CACUL1: variants seen among roughly 807,000 people sequenced by gnomAD.
CACUL1 encodes the protein CDK2 associated cullin domain 1.
A neutral mutation model predicts 45.2 loss-of-function variants in CACUL1; 13 were observed. The observed-to-expected ratio is 0.29, with a 90% CI of 0.19 to 0.46. The LOEUF (loss-of-function observed/expected upper bound fraction) is 0.46. Among genes scored for constraint, CACUL1 ranks in the 20% least tolerant of loss-of-function variants. CACUL1 has a pLI of 1.00. For synonymous variants in CACUL1, 197 were observed against 174.2 expected, an observed-to-expected ratio of 1.13 and a Z score of -1.03; for missense variants, 421 against 471.4, an observed-to-expected ratio of 0.89 and a Z score of 0.99.
intron 6 of CACUL1, chr10:118,691,656 A>T: frequency 3.0e-6 from 1 of 333,158 alleles, no homozygotes; most frequent in Non-Finnish European, 5.6e-6. Context: ...TCACGAGGTC[A>T]GGAGATCGAG....
chr10:118,683,739 C>T lies in CACUL1; in HGVS notation c.*2389G>A, dbSNP rs1845178695. ...ACAGAAGAAAACAGTTTCTGGCAAA[C>T]AGTCAATATAAAATGAGAGGAAGGA... On this transcript the variant is annotated 3_prime_UTR_variant, in exon 9 of 9. Coordinates refer to ENST00000369151, the MANE Select transcript of CACUL1 (RefSeq NM_153810.5). The T allele has an allele frequency of 6.6e-6, 1 of 152,036 alleles. No homozygotes were observed. The highest frequency in any genetic ancestry group is 1.5e-5 in the Non-Finnish European group (1 of 67,980). The allele number at this position is 152,036 out of a possible 1,614,324, so 9.4% of individuals were successfully genotyped here.
rs1221845726 is a variant in CACUL1, at chr10:118,683,778, T to C, written c.*2350A>G. ...TGAGAGGAAGGAGGAGGAAATCTTA[T>C]TTCCTCTCATACTGCAAACTCACTC... On this transcript the variant is annotated 3_prime_UTR_variant, in exon 9 of 9. Transcript: ENST00000369151. The C allele has an allele frequency of 2.0e-5, 3 of 152,092 alleles. No homozygotes were observed. The highest frequency in any genetic ancestry group is 2.9e-5 in the Non-Finnish European group (2 of 67,992). 9.4% of individuals were successfully genotyped at this position (152,092 alleles called of 1,614,324 possible).
intron 6 of CACUL1, 121 bp downstream of exon 6, chr10:118,695,019 AT>A: frequency 1.1e-5 from 7 of 654,392 alleles, no homozygotes; most frequent in Admixed American, 2.2e-5. Context: ...TATCTACTCA[AT>A]TTTTTTGCTC....
intron 7 of CACUL1, 23 bp from the exon 8 acceptor site, chr10:118,686,664 A>G: frequency 6.3e-7 from 1 of 1,589,458 alleles, no homozygotes; most frequent in South Asian, 1.1e-5. Context: ...AGAGGCAGTC[A>G]ACAAAACTGA....
intron 3 of CACUL1, among the ~76,000 whole-genome samples, chr10:118,724,636 T>A (rs551693686): frequency 6.6e-6 from 1 of 152,320 alleles, no homozygotes; most frequent in South Asian, 2.1e-4. Flanking sequence ...GTTTTTAGGT[T>A]GTTCAGCCAA....
chr10:118,715,339 A>C (rs151078787), intron 3 of CACUL1, among the ~76,000 whole-genome samples: 99 of 152,356 alleles, frequency 6.5e-4, no homozygotes, highest in African/African-American at 2.4e-3. Context: ...TAACTTTCAA[A>C]GCTAAACAAG....
chr10:118,743,907 C>A (rs1196444696), intron 1 of CACUL1, among the ~76,000 whole-genome samples: 1 of 151,720 alleles, frequency 6.6e-6, no homozygotes, highest in Non-Finnish European at 1.5e-5. Context: ...TGAAGGCCAA[C>A]AGAACTACAT....
chr10:118,754,897 G>A lies in CACUL1; in HGVS notation c.-135C>T. On this transcript the variant is annotated 5_prime_UTR_variant, in exon 1 of 9. Coordinates refer to ENST00000369151, the MANE Select transcript of CACUL1 (RefSeq NM_153810.5). ...GGCGCAGCGGAGAGGGCTGCGGTGC[G>A]CAGGGTCTCTCGCTCTCCGCGGGGC... The A allele has an allele frequency of 2.4e-6, 3 of 1,254,678 alleles. No individual in the cohort carries two copies. The highest frequency in any genetic ancestry group is 3.2e-6 in the Non-Finnish European group (3 of 925,720). The allele number at this position is 1,254,678 out of a possible 1,614,324, so 77.7% of individuals were successfully genotyped here.
chr10:118,691,504 T>G, intron 6 of CACUL1, 101 bp from the exon 7 acceptor site: 1 of 1,051,616 alleles, frequency 9.5e-7, no homozygotes, highest in Non-Finnish European at 1.4e-6. Flanking sequence ...AAGCCAAATT[T>G]AAGCAGGGGA....
chr10:118,703,712 T>G (rs1445365198), intron 4 of CACUL1, among the ~76,000 whole-genome samples: 1 of 152,210 alleles, frequency 6.6e-6, no homozygotes, highest in African/African-American at 2.4e-5. Context: ...TCTTTATAGA[T>G]TCACCAGAAC....
At chr10:118,729,554 C>T (rs572753885) in intron 2 of CACUL1, among the ~76,000 whole-genome samples, 157 bp from the exon 3 acceptor site, 23 of 152,292 alleles carry the variant, frequency 1.5e-4, no homozygotes, top group Non-Finnish European at 3.2e-4. Flanking sequence ...ACTTTATCCT[C>T]CCCCATCGGT....
At chr10:118,706,342 C>T (rs1845431658) in intron 4 of CACUL1, among the ~76,000 whole-genome samples, 1 of 152,184 alleles carries the variant, frequency 6.6e-6, no homozygotes, top group Non-Finnish European at 1.5e-5. Context: ...CATACCTGGT[C>T]TCTACTGAAA....
At chr10:118,692,131 G>A (rs1175297858) in intron 6 of CACUL1, among the ~76,000 whole-genome samples, 1 of 151,814 alleles carries the variant, frequency 6.6e-6, no homozygotes, top group Non-Finnish European at 1.5e-5. Context: ...ATAATAAGTA[G>A]ACATATTTAA....
intron 1 of CACUL1, among the ~76,000 whole-genome samples, chr10:118,739,972 C>T (rs988965751): frequency 2.0e-5 from 3 of 152,050 alleles, no homozygotes; most frequent in Admixed American, 1.3e-4. Context: ...TGGTGAAACC[C>T]CGTCTCTACT....
At chr10:118,691,963 A>G (rs1325765489) in intron 6 of CACUL1, among the ~76,000 whole-genome samples, 1 of 151,980 alleles carries the variant, frequency 6.6e-6, no homozygotes, top group Non-Finnish European at 1.5e-5. Context: ...GAAAACCCCT[A>G]GGGAATTTTT....
rs114270298 is a variant in CACUL1 at position 118,678,046 on chromosome 10, T to G, written c.*8082A>C. ...GTTGTCAGCAAGGAAATGGTATCTA[T>G]GCTTTTAATGTGCATTACCTGACGA... is the stretch of plus-strand genomic sequence containing the variant. On this transcript the variant is annotated 3_prime_UTR_variant, in exon 9 of 9. Coordinates refer to ENST00000369151, the MANE Select transcript of CACUL1 (RefSeq NM_153810.5). 6.6e-6 allele frequency: 1 copy of G among 152,240 alleles called. No individual in the cohort carries two copies. Among genetic ancestry groups the G allele is most frequent in the East Asian group, 1.9e-4 (1 of 5,202 alleles). The allele number at this position is 152,240 out of a possible 1,614,324, so 9.4% of individuals were successfully genotyped here.
At chr10:118,729,893 C>T (rs1845683210) in intron 2 of CACUL1, among the ~76,000 whole-genome samples, 1 of 152,186 alleles carries the variant, frequency 6.6e-6, no homozygotes, top group South Asian at 2.1e-4. Context: ...TCCTAATTTG[C>T]TGCTTCCATT....
At chr10:118,746,151 C>CAAAA (rs376453440) in intron 1 of CACUL1, among the ~76,000 whole-genome samples, 2 of 91,286 alleles carry the variant, frequency 2.2e-5, no homozygotes, top group African/African-American at 3.7e-5. Flanking sequence ...GACACTGTCT[C>CAAAA]AAAAAAAAAA....
At chr10:118,710,219 C>A (rs990465604) in intron 3 of CACUL1, among the ~76,000 whole-genome samples, 1 of 152,054 alleles carries the variant, frequency 6.6e-6, no homozygotes, top group African/African-American at 2.4e-5. Context: ...AGCCACCACA[C>A]CCAGCGCATT....
Sources: allele counts gnomAD v4.1 joint callset (sites outside exome capture counted in the v4.1 genomes callset), GRCh38; gene constraint gnomAD v4.1.1; transcripts MANE v1.5; gene names NCBI Gene and HGNC (gene_info 2026-07-23, HGNC 2026-07-21).